The following MYH4 variants were observed in gnomAD, a reference collection of about 807,000 sequenced individuals.
MYH4 encodes myosin-4.
MYH4 carries 200 observed loss-of-function variants against 229.9 expected under a neutral mutation model. The observed-to-expected ratio is 0.87, with a 90% CI of 0.78 to 0.98. The LOEUF (loss-of-function observed/expected upper bound fraction) is 0.98, where lower values mean the gene tolerates loss of function less well. Among genes scored for constraint, MYH4 ranks in the 50% least tolerant of loss-of-function variants. The pLI, the probability that MYH4 is intolerant of heterozygous loss-of-function variation, is 0.00. For missense variants in MYH4, 2,148 were observed against 2,332.6 expected, an observed-to-expected ratio of 0.92 and a Z score of 1.63; for synonymous variants, 761 against 834.6, an observed-to-expected ratio of 0.91 and a Z score of 1.52.
In MYH4 at chr17:10,443,647, A is replaced by C; in HGVS notation, c.5668-120T>G. The C allele has an allele frequency of 1.9e-6, 2 of 1,079,610 alleles. No individual in the cohort carries two copies. Among genetic ancestry groups the C allele is most frequent in the Non-Finnish European group, 2.6e-6 (2 of 760,028 alleles). 66.9% of individuals were successfully genotyped at this position (1,079,610 alleles called of 1,614,324 possible). A position where few individuals can be genotyped will look rare whatever the true frequency, so the allele number is the denominator to read the frequency against. On this transcript the variant is annotated intron_variant, in intron 39 of 39. Coordinates refer to ENST00000255381, the MANE Select transcript of MYH4 (RefSeq NM_017533.2). This position sits in a 1 kb window ranked among gnomAD's most constrained non-coding sequence, Gnocchi z 4.6. Reference sequence around the variant, plus strand: ...AAGAAAAAGGCTCCGTTGTCCAGGCATGGTGGCTCACACCTGTAATCCCAG... The same window carrying C: ...AAGAAAAAGGCTCCGTTGTCCAGGCCTGGTGGCTCACACCTGTAATCCCAG...
chr17:10,446,919 G>A (rs117160790), intron 35 of MYH4, 94 bp downstream of exon 35: 28 of 1,322,870 alleles, frequency 2.1e-5, no homozygotes, highest in East Asian at 1.9e-4. Flanking sequence ...AGGAAGGGAC[G>A]AAGATTACTT....
At chr17:10,458,586 G>C (rs1372083608) in intron 15 of MYH4, among the ~76,000 whole-genome samples, 1 of 152,156 alleles carries the variant, frequency 6.6e-6, no homozygotes, top group Non-Finnish European at 1.5e-5. Flanking sequence ...GCTTAGGGTA[G>C]GGTTCACACA....
chr17:10,457,622 G>A lies in MYH4; in HGVS notation c.1695C>T (p.Asn565=). The stretch of plus-strand genomic sequence containing the variant: ...CTTTGGCAGGCTTGGGCTTCTGGAA[G>A]TTGTTGGATTTTCCAAGATGTTGTT... ...LYEQHLGKSN[N]FQKPKPAKGK... The change falls in exon 16 of 40, where the codon AAC becomes AAT. Residue 565 remains asparagine (N), a synonymous_variant. Coordinates refer to ENST00000255381, the MANE Select transcript of MYH4 (RefSeq NM_017533.2). 6.2e-7 allele frequency: 1 copy of A among 1,614,228 alleles called. No homozygotes were observed. The highest frequency in any genetic ancestry group is 1.7e-5 in the Admixed American group (1 of 60,028).
chr17:10,467,559 T>C (rs562322228), intron 2 of MYH4, among the ~76,000 whole-genome samples: 63 of 152,314 alleles, frequency 4.1e-4, no homozygotes, highest in African/African-American at 1.3e-3. Context: ...ACTTCTTAAT[T>C]TTTAATAAAA....
At position 10,454,701 on chromosome 17, in the gene MYH4, T is replaced by A. The variant is rs1597419073; in HGVS notation, c.2545A>T (p.Thr849Ser). The A allele has an allele frequency of 6.2e-7, 1 of 1,614,234 alleles. No individual in the cohort carries two copies. Residue 849 changes from threonine (T) to serine (S), a missense_variant, in exon 22 of 40, where the codon ACA becomes TCA. Coordinates refer to ENST00000255381, the MANE Select transcript of MYH4 (RefSeq NM_017533.2). ...TTCATGTTGGCCATCTCCTTCTCTG[T>A]CTCTGCACTCTTGAGGAGGGGCTTG... ...KIKPLLKSAE[T>S]EKEMANMKEE...
rs2072741061 is a variant in MYH4 at position 10,464,568 on chromosome 17, C to T, written c.552G>A (p.Gly184=). Residue 184 remains glycine (G), a synonymous_variant, in exon 7 of 40, where the codon GGG becomes GGA. Coordinates refer to ENST00000255381, the MANE Select transcript of MYH4 (RefSeq NM_017533.2). ...TGACACGCTTCGTGTTCACAGTCTT[C>T]CCTGCACCAGATTCTCCACTATCAA... ...SILITGESGA[G]KTVNTKRVIQ... is the part of the protein sequence containing the mutation. 1.2e-6 allele frequency: 2 copies of T among 1,614,040 alleles called. No homozygotes were observed. Among genetic ancestry groups the T allele is most frequent in the South Asian group, 1.1e-5 (1 of 91,064 alleles).
In MYH4 at chr17:10,445,124, A is replaced by G. The variant is rs1195789404; in HGVS notation, c.5318T>C (p.Leu1773Pro). Reference protein sequence around the residue: ...ITDAAMMAEELKKEQDTSAHL... With the variant: ...ITDAAMMAEEPKKEQDTSAHL... The stretch of plus-strand genomic sequence containing the variant: ...GGCGCTGGTGTCCTGTTCCTTCTTC[A>G]GCTCCTCAGCCATCATGGCAGCCTA... Residue 1773 changes from leucine to proline, a missense_variant, in exon 37 of 40, where the codon CTG becomes CCG. Physicochemically the swap from Leu to Pro is moderately conservative, Grantham distance 98 (BLOSUM62 -3). Coordinates refer to ENST00000255381, the MANE Select transcript of MYH4 (RefSeq NM_017533.2). 1.2e-6 allele frequency: 2 copies of G among 1,614,138 alleles called. No individual in the cohort carries two copies. Among genetic ancestry groups the G allele is most frequent in the Middle Eastern group, 3.3e-4 (2 of 6,062 alleles).
At position 10,453,714 on chromosome 17, in the gene MYH4, T is replaced by C. The variant is rs2072605394; in HGVS notation, c.2863A>G (p.Lys955Glu). The part of the protein sequence containing the change: ...RKLEDECSEL[K>E]KDIDDLELTL... Reference sequence around the variant, plus strand: ...AGCTCAAGGTCATCAATGTCTTTCTTGAGCTCTGAACATTCATCCTCCAGT... The same window carrying C: ...AGCTCAAGGTCATCAATGTCTTTCTCGAGCTCTGAACATTCATCCTCCAGT... Residue 955 changes from lysine to glutamate, a missense_variant, in exon 23 of 40, where the codon AAG becomes GAG. By Grantham distance (56) the Lys-to-Glu change is moderately conservative (BLOSUM62 1). Coordinates refer to ENST00000255381, the MANE Select transcript of MYH4 (RefSeq NM_017533.2). The C allele has an allele frequency of 1.9e-6, 3 of 1,613,966 alleles. No individual in the cohort carries two copies. Among genetic ancestry groups the C allele is most frequent in the Non-Finnish European group, 2.5e-6 (3 of 1,179,818 alleles).
intron 4 of MYH4, 43 bp downstream of exon 4, chr17:10,466,230 A>G: frequency 6.2e-7 from 1 of 1,604,634 alleles, no homozygotes; most frequent in Non-Finnish European, 8.5e-7. Context: ...TAACATGTGT[A>G]GAATGTGGAG....
rs545518973 is a variant in MYH4 at position 10,455,060 on chromosome 17, G to T, written c.2316C>A (p.Gly772=). Residue 772 remains glycine, a synonymous_variant, in exon 21 of 40, where the codon GGC becomes GGA. Coordinates refer to ENST00000255381, the MANE Select transcript of MYH4 (RefSeq NM_017533.2). ...GCATTTCCTCTAGAGTTCCCAGCAG[G>T]CCAGCTTTGAAGAAAACCTTATGAA... ...FGHTKVFFKA[G]LLGTLEEMRD... is the part of the protein sequence containing the mutation. The T allele has an allele frequency of 5.0e-6, 8 of 1,614,014 alleles. No individual in the cohort carries two copies. The highest frequency in any genetic ancestry group is 1.3e-5 in the African/African-American group (1 of 74,892).
At position 10,453,300 on chromosome 17, in the gene MYH4, C is replaced by A. The variant is rs1488920472; in HGVS notation, c.2963G>T (p.Gly988Val). 1.7e-5 allele frequency: 27 copies of A among 1,613,996 alleles called. No homozygotes were observed. The highest frequency in any genetic ancestry group is 2.3e-5 in the Non-Finnish European group (27 of 1,180,006). Reference sequence around the variant, plus strand: ...CAGCTTAGCAATGGTTTCATCCAGACCTGCCATCTCTTCTGTGAGGTTTTT... The same window carrying A: ...CAGCTTAGCAATGGTTTCATCCAGAACTGCCATCTCTTCTGTGAGGTTTTT... ...KVKNLTEEMA[G>V]LDETIAKLTK... The change falls in exon 24 of 40, where the codon GGT becomes GTT. Residue 988 changes from glycine to valine, a missense_variant. Coordinates refer to ENST00000255381, the MANE Select transcript of MYH4 (RefSeq NM_017533.2).
chr17:10,464,830 T>A, intron 5 of MYH4, 122 bp from the exon 6 acceptor site: 1 of 914,648 alleles, frequency 1.1e-6, no homozygotes, highest in Non-Finnish European at 1.6e-6. Flanking sequence ...ACTATATGAA[T>A]TTGTGCTTTG....
At chr17:10,446,876 C>T in intron 35 of MYH4, 137 bp downstream of exon 35, 1 of 812,830 alleles carries the variant, frequency 1.2e-6, no homozygotes, top group Non-Finnish European at 1.9e-6. Flanking sequence ...CCCAGTAAAT[C>T]CTTACAGCAC....
chr17:10,457,687 G>A lies in MYH4; in HGVS notation c.1630C>T (p.Pro544Ser), dbSNP rs772842261. Residue 544 changes from proline (P) to serine (S), a missense_variant, in exon 16 of 40, where the codon CCC becomes TCC. Physicochemically the swap from Pro to Ser is moderately conservative, Grantham distance 74 (BLOSUM62 -1). Coordinates refer to ENST00000255381, the MANE Select transcript of MYH4 (RefSeq NM_017533.2). ...TTGAAGGAGGTGTCTGTTGCCTTGG[G>A]GAACATGCACTCCTCTTCTAGGATG... Reference protein sequence around the residue: ...FSILEEECMFPKATDTSFKNK... With the variant: ...FSILEEECMFSKATDTSFKNK... 3.1e-6 allele frequency: 5 copies of A among 1,613,994 alleles called. No homozygotes were observed. In the Admixed American group the frequency reaches 6.7e-5, roughly 22 times the overall value.
Position 10,450,474 on chromosome 17 carries a change from G to C in MYH4, c.4160C>G (p.Thr1387Arg). 6.2e-7 allele frequency: 1 copy of C among 1,613,898 alleles called. No individual in the cohort carries two copies. Among genetic ancestry groups the C allele is most frequent in the Non-Finnish European group, 8.5e-7 (1 of 1,179,886 alleles). ...ATACTTGGCCTCCTCCAGCTCCTCT[G>C]TGCGCTGGATGGCGTCCGTCTCGTA... ...TKYETDAIQR[T>R]EELEEAKKKL... Residue 1387 changes from threonine (T) to arginine (R), a missense_variant, in exon 30 of 40, where the codon ACA becomes AGA. By Grantham distance (71) the Thr-to-Arg change is moderately conservative (BLOSUM62 -1). Transcript: ENST00000255381.
intron 30 of MYH4, among the ~76,000 whole-genome samples, chr17:10,450,182 T>C (rs2072556495): frequency 6.6e-6 from 1 of 152,178 alleles, no homozygotes; most frequent in Non-Finnish European, 1.5e-5. Context: ...AATTCATAAA[T>C]AATATTCTGA....
intron 2 of MYH4, among the ~76,000 whole-genome samples, chr17:10,468,989 T>G (rs936592473): frequency 6.6e-6 from 1 of 152,242 alleles, no homozygotes; most frequent in Non-Finnish European, 1.5e-5. Flanking sequence ...GATTTTATCA[T>G]GCGGTCTCTC....
In MYH4 at chr17:10,451,456, G is replaced by C. The variant is rs1378395900; in HGVS notation, c.3739-4C>G. The C allele has an allele frequency of 1.9e-6, 3 of 1,612,704 alleles. No homozygotes were observed. The highest frequency in any genetic ancestry group is 2.2e-5 in the East Asian group (1 of 44,850). On this transcript the variant is annotated splice_region_variant and splice_polypyrimidine_tract_variant and intron_variant, in intron 27 of 39. Coordinates refer to ENST00000255381, the MANE Select transcript of MYH4 (RefSeq NM_017533.2). ...GGCACATTTTCTCAAAGTTTGCCTG[G>C]GGTGAGAGGTAGAAAACAGGAAGAG... is the stretch of plus-strand genomic sequence containing the variant.
chr17:10,446,533 A>G (rs188308432), intron 35 of MYH4, among the ~76,000 whole-genome samples: 2 of 152,300 alleles, frequency 1.3e-5, no homozygotes, highest in East Asian at 3.9e-4. Flanking sequence ...TTATTTAACA[A>G]ATTCACTATA....
Sources: allele counts gnomAD v4.1 joint callset (sites outside exome capture counted in the v4.1 genomes callset), GRCh38; gene constraint gnomAD v4.1.1; non-coding constraint Gnocchi (gnomAD v3.1); transcripts MANE v1.5; gene names NCBI Gene and HGNC (gene_info 2026-07-23, HGNC 2026-07-21).